The following CPA6 variants were observed in gnomAD, a reference collection of about 807,000 sequenced individuals.
CPA6 encodes the protein carboxypeptidase A6, also known as carboxypeptidase B.
A neutral mutation model predicts 63.3 loss-of-function variants in CPA6; 58 were observed. That is an observed-to-expected ratio of 0.92 (90% CI 0.74 to 1.14). The LOEUF (loss-of-function observed/expected upper bound fraction) is 1.14. CPA6 is among the 50% of genes most tolerant of loss of function. The pLI, the probability that CPA6 is intolerant of heterozygous loss-of-function variation, is 0.00. For missense variants in CPA6, 565 were observed against 526.6 expected (o/e 1.07, Z -0.71); for synonymous variants, 185 against 179.0 (o/e 1.03, Z -0.27).
At chr8:67,689,666 A>G (rs1816777810) in intron 1 of CPA6, among the ~76,000 whole-genome samples, 1 of 152,204 alleles carries the variant, frequency 6.6e-6, no homozygotes, top group Non-Finnish European at 1.5e-5. Flanking sequence ...TTCTTTATCC[A>G]ATCCACTGTT....
chr8:67,440,730 G>A (rs1467606792), intron 8 of CPA6, among the ~76,000 whole-genome samples: 1 of 151,950 alleles, frequency 6.6e-6, no homozygotes, highest in African/African-American at 2.4e-5. Flanking sequence ...AGATACTATA[G>A]GCAATTATAA....
intron 8 of CPA6, among the ~76,000 whole-genome samples, chr8:67,455,663 CAAAAAAAAAAA>C (rs552041509): frequency 6.6e-5 from 2 of 30,250 alleles, no homozygotes; most frequent in East Asian, 1.3e-3. Context: ...TCTACAAAAG[CAAAAAAAAAAA>C]AAAAAAAAAA....
At chr8:67,520,421 A>G (rs1812235680) in intron 2 of CPA6, among the ~76,000 whole-genome samples, 1 of 152,212 alleles carries the variant, frequency 6.6e-6, no homozygotes, top group African/African-American at 2.4e-5. Flanking sequence ...GACAACTGAT[A>G]AAAAAGAATT....
chr8:67,668,859 G>A (rs1367444515), intron 1 of CPA6, among the ~76,000 whole-genome samples: 2 of 152,294 alleles, frequency 1.3e-5, no homozygotes, highest in East Asian at 1.9e-4. Flanking sequence ...TGACAGCAAA[G>A]GAGAGAAGAA....
chr8:67,590,314 A>C (rs1328976603), intron 2 of CPA6, among the ~76,000 whole-genome samples: 5 of 151,506 alleles, frequency 3.3e-5, no homozygotes. Flanking sequence ...CTTGGTTCCA[A>C]GTCTTTGCTA....
intron 1 of CPA6, among the ~76,000 whole-genome samples, chr8:67,725,672 C>T (rs1343320847): frequency 6.6e-6 from 1 of 152,108 alleles, no homozygotes. Context: ...AGACTTGTGC[C>T]ACTGTGCCTG....
intron 1 of CPA6, among the ~76,000 whole-genome samples, chr8:67,629,375 G>A (rs1423805454): frequency 6.6e-6 from 1 of 151,564 alleles, no homozygotes; most frequent in Non-Finnish European, 1.5e-5. Context: ...CAGCTACCTG[G>A]GAGGCTGAGG....
chr8:67,453,022 G>T (rs1417467659), intron 8 of CPA6, among the ~76,000 whole-genome samples: 1 of 152,182 alleles, frequency 6.6e-6, no homozygotes, highest in Non-Finnish European at 1.5e-5. Flanking sequence ...GTAAAATGGG[G>T]AGCCACTGCA....
chr8:67,524,236 G>T (rs72657209), intron 2 of CPA6, among the ~76,000 whole-genome samples: 6 of 152,264 alleles, frequency 3.9e-5, no homozygotes, highest in African/African-American at 7.2e-5. Context: ...TGCTTTCATA[G>T]AATTTTTTTT....
chr8:67,568,310 T>C (rs1003022766), intron 2 of CPA6, among the ~76,000 whole-genome samples: 7 of 152,126 alleles, frequency 4.6e-5, no homozygotes, highest in Non-Finnish European at 1.5e-5. Flanking sequence ...GCTCCAGCAA[T>C]GGACCCTAGA....
At chr8:67,603,188 G>T (rs1814541312) in intron 2 of CPA6, among the ~76,000 whole-genome samples, 1 of 152,066 alleles carries the variant, frequency 6.6e-6, no homozygotes, top group Admixed American at 6.5e-5. Flanking sequence ...TATAGTACAA[G>T]AATTATATTC....
chr8:67,513,100 G>A (rs1387206987), intron 3 of CPA6, among the ~76,000 whole-genome samples: 1 of 152,168 alleles, frequency 6.6e-6, no homozygotes, highest in Non-Finnish European at 1.5e-5. Flanking sequence ...GAGGTAAGGT[G>A]AGGTGGCTCA....
chr8:67,594,933 T>C (rs1483261461), intron 2 of CPA6, among the ~76,000 whole-genome samples: 1 of 152,230 alleles, frequency 6.6e-6, no homozygotes, highest in Non-Finnish European at 1.5e-5. Flanking sequence ...GGAACTGTGT[T>C]CCTTTGGAGG....
At chr8:67,661,601 A>G (rs1816110849) in intron 1 of CPA6, among the ~76,000 whole-genome samples, 1 of 152,218 alleles carries the variant, frequency 6.6e-6, no homozygotes, top group Non-Finnish European at 1.5e-5. Context: ...GGGTCACTGT[A>G]AAGCCATCTC....
chr8:67,478,487 G>A (rs996139418), intron 8 of CPA6, among the ~76,000 whole-genome samples: 3 of 152,156 alleles, frequency 2.0e-5, no homozygotes, highest in African/African-American at 7.2e-5. Flanking sequence ...GAGGTTGGGG[G>A]CAATCTTGTG....
chr8:67,583,468 T>TA (rs1443455332), intron 2 of CPA6, among the ~76,000 whole-genome samples: 33 of 94,348 alleles, frequency 3.5e-4, no homozygotes, highest in African/African-American at 2.8e-3. Flanking sequence ...TTTCAGCTTG[T>TA]GATAGGCCTA....
intron 1 of CPA6, among the ~76,000 whole-genome samples, chr8:67,645,498 G>A (rs921937204): frequency 1.2e-4 from 18 of 152,302 alleles, no homozygotes; most frequent in Admixed American, 1.2e-3. Context: ...GGGTTGTGAA[G>A]GGGCTGTGTA....
At chr8:67,641,410 C>T (rs79060511) in intron 1 of CPA6, among the ~76,000 whole-genome samples, 4,126 of 147,182 alleles carry the variant, frequency 0.028, 217 homozygotes, top group African/African-American at 0.066. Context: ...AATGACCAGA[C>T]TAAATTTCTA....
At position 67,487,064 on chromosome 8, in the gene CPA6, T is replaced by A. The variant is rs1811494308; in HGVS notation, c.637-2275A>T. Among the ~76,000 whole-genome samples the A allele has an allele frequency of 2.0e-5, 3 of 152,276 alleles. No individual in the cohort carries two copies. In the South Asian group the frequency reaches 6.2e-4, roughly 32 times the overall value. ...TTTTTTCTGAATATATATGTATATT[T>A]TTAATTATACTTTAAATTCTAGGGT... On this transcript the variant is annotated intron_variant, in intron 6 of 10. Transcript: ENST00000297770.
Sources: allele counts gnomAD v4.1 joint callset (sites outside exome capture counted in the v4.1 genomes callset), GRCh38; gene constraint gnomAD v4.1.1; transcripts MANE v1.5; gene names NCBI Gene and HGNC (gene_info 2026-07-23, HGNC 2026-07-21).